MCFD2: variants seen among roughly 807,000 people sequenced by gnomAD.
MCFD2 encodes multiple coagulation factor deficiency protein 2.
A neutral mutation model predicts 12.8 loss-of-function variants in MCFD2; 11 were observed. The ratio of observed to expected loss-of-function variants is 0.86; its 90% CI spans 0.54 to 1.42. The LOEUF (loss-of-function observed/expected upper bound fraction) is 1.42. MCFD2 is among the 40% of genes most tolerant of loss of function. MCFD2 has a pLI of 0.00. For synonymous variants in MCFD2, 70 were observed against 68.1 expected (o/e 1.03, Z -0.14); for missense variants, 191 against 178.6 (o/e 1.07, Z -0.40).
In MCFD2 at chr2:46,908,064, T is replaced by C. The variant is rs1668321733; in HGVS notation, c.150-95A>G. 1.4e-6 allele frequency: 2 copies of C among 1,394,848 alleles called. No individual in the cohort carries two copies. The highest frequency in any genetic ancestry group is 3.7e-5 in the Admixed American group (2 of 54,350). The allele number at this position is 1,394,848 out of a possible 1,614,324, so 86.4% of individuals were successfully genotyped here. A position where few individuals can be genotyped will look rare whatever the true frequency, so the allele number is the denominator to read the frequency against. On this transcript the variant is annotated intron_variant, in intron 2 of 3. Transcript: ENST00000319466. This position sits in a 1 kb window ranked among gnomAD's most constrained non-coding sequence, Gnocchi z 4.5. ...GAAAAGTTCAAGATCTTAAACTTCC[T>C]CCAGCTCAGAAAAACAAACACCAGC...
Position 46,941,715 on chromosome 2 carries a change from T to C in MCFD2, c.-151A>G, listed in dbSNP as rs1670404772. On this transcript the variant is annotated 5_prime_UTR_variant, in exon 1 of 3. Coordinates refer to the MCFD2 transcript ENST00000409147. This position sits in a 1 kb window ranked among gnomAD's most constrained non-coding sequence, Gnocchi z 4.2. ...GCAGCCCGAGCGCAGCGTTCACCTTTCCGGACACCGGTGAGTAAGGGAAGA... is the reference window on the plus strand; with the variant it reads ...GCAGCCCGAGCGCAGCGTTCACCTTCCCGGACACCGGTGAGTAAGGGAAGA... 1 of 1,550,120 alleles carries C rather than the reference T, an allele frequency of 6.5e-7. No homozygotes were observed. Among genetic ancestry groups the C allele is most frequent in the African/African-American group, 1.4e-5 (1 of 73,070 alleles).
chr2:46,929,245 A>C (rs1669566968), intron 1 of MCFD2, among the ~76,000 whole-genome samples: 1 of 151,906 alleles, frequency 6.6e-6, no homozygotes, highest in South Asian at 2.1e-4. Flanking sequence ...GCACTTTGGG[A>C]AGCTAAGGTA....
chr2:46,915,929 A>G, upstream of MCFD2: 1 of 984,916 alleles, frequency 1.0e-6, no homozygotes, highest in Non-Finnish European at 1.2e-6. Context: ...GCGTGAGTCC[A>G]CGTGTAATCG....
At chr2:46,905,824 T>A in intron 3 of MCFD2, 1 of 618,756 alleles carries the variant, frequency 1.6e-6, no homozygotes. Flanking sequence ...ATATGTATTA[T>A]TGAGTCAATT....
chr2:46,910,201 G>A (rs1018512401), intron 1 of MCFD2, among the ~76,000 whole-genome samples: 1 of 152,192 alleles, frequency 6.6e-6, no homozygotes, highest in Non-Finnish European at 1.5e-5. Flanking sequence ...AGCTCTTGGA[G>A]GGCAGGGAGA....
chr2:46,921,969 AG>A (rs1417552498), intron 1 of MCFD2, among the ~76,000 whole-genome samples: 1 of 152,200 alleles, frequency 6.6e-6, no homozygotes, highest in African/African-American at 2.4e-5. Flanking sequence ...TTGGGGGGTG[AG>A]GGCCCCTGTA....
At chr2:46,913,554 A>T (rs897927909) in intron 1 of MCFD2, 46 of 152,276 alleles carry the variant, frequency 3.0e-4, no homozygotes. Context: ...TCCATGCTCT[A>T]ACTACTTAGC....
rs779155851 is a variant in MCFD2 at position 46,909,077 on chromosome 2, C to T, written c.95G>A (p.Ser32Asn). The T allele has an allele frequency of 6.2e-7, 1 of 1,614,126 alleles. No individual in the cohort carries two copies. Among genetic ancestry groups the T allele is most frequent in the South Asian group, 1.1e-5 (1 of 91,092 alleles). Residue 32 changes from serine (S) to asparagine (N), a missense_variant, in exon 2 of 4, where the codon AGC (serine) becomes AAC (asparagine). Coordinates refer to ENST00000319466, the MANE Select transcript of MCFD2 (RefSeq NM_139279.6). Reference sequence around the variant, plus strand: ...GCCCATGCTGCCGGGTTGGGAGAAGCTGGCTGCAGGCTCCTCAGCCCTGGC... The same window carrying T: ...GCCCATGCTGCCGGGTTGGGAGAAGTTGGCTGCAGGCTCCTCAGCCCTGGC... ...PGARAEEPAA[S>N]FSQPGSMGLD...
intron 1 of MCFD2, among the ~76,000 whole-genome samples, chr2:46,938,668 A>C (rs1271147237): frequency 1.3e-5 from 2 of 152,176 alleles, no homozygotes; most frequent in African/African-American, 2.4e-5. Context: ...GTTCTCTTAT[A>C]GTCAATAAAT....
At chr2:46,916,326 C>G (rs572757801), upstream of MCFD2, 11 of 283,440 alleles carry the variant, frequency 3.9e-5, no homozygotes, top group Non-Finnish European at 5.8e-5. Context: ...GCCAGCTCCA[C>G]TGCACAAGCT....
chr2:46,937,680 C>G lies in MCFD2; in HGVS notation c.-8+3892G>C, dbSNP rs564776235. On this transcript the variant is annotated intron_variant, in intron 1 of 2. Coordinates refer to the MCFD2 transcript ENST00000409147. This position sits in a 1 kb window ranked among gnomAD's most constrained non-coding sequence, Gnocchi z 4.0. Reference sequence around the variant, plus strand: ...CTTGAATTCCTGGACTCAAGTGATTCTCCCACCTCCTTCTCCCAAAGTGTT... The same window carrying G: ...CTTGAATTCCTGGACTCAAGTGATTGTCCCACCTCCTTCTCCCAAAGTGTT... Among the ~76,000 whole-genome samples, 2 of 152,290 alleles carry G rather than the reference C, an allele frequency of 1.3e-5. No homozygotes were observed. Among genetic ancestry groups the G allele is most frequent in the East Asian group, 1.9e-4 (1 of 5,190 alleles).
intron 3 of MCFD2, chr2:46,906,127 G>T (rs1485264720): frequency 2.2e-5 from 9 of 402,724 alleles, no homozygotes; most frequent in Non-Finnish European, 4.0e-5. Context: ...GTGGGCTGAG[G>T]CTGTTCACAT....
chr2:46,925,828 C>T (rs1189894865), intron 1 of MCFD2, among the ~76,000 whole-genome samples: 2 of 152,190 alleles, frequency 1.3e-5, no homozygotes, highest in Non-Finnish European at 2.9e-5. Flanking sequence ...TTTGTGGATA[C>T]AACCCATACT....
In MCFD2 at chr2:46,937,789, G is replaced by C. The variant is rs955750098; in HGVS notation, c.-8+3783C>G. Among the ~76,000 whole-genome samples the C allele has an allele frequency of 6.6e-6, 1 of 152,200 alleles. No homozygotes were observed. The highest frequency in any genetic ancestry group is 1.5e-5 in the Non-Finnish European group (1 of 68,046). On this transcript the variant is annotated intron_variant, in intron 1 of 2. Transcript: ENST00000409147. The surrounding 1 kb of genome is among the most constrained non-coding windows in gnomAD (Gnocchi z 4.0). ...TGCATAGGAAGCTGAAGGGGTTTGG[G>C]GAAGCTGTGAACGTTAGTCAAGGTC...
chr2:46,939,318 G>C (rs1009703282), intron 1 of MCFD2, among the ~76,000 whole-genome samples: 91 of 152,268 alleles, frequency 6.0e-4, no homozygotes, highest in African/African-American at 2.1e-3. Context: ...ACTTTGGGAG[G>C]CCAAGGTGGG....
intron 1 of MCFD2, among the ~76,000 whole-genome samples, chr2:46,929,936 T>C (rs1412510196): frequency 1.3e-5 from 2 of 152,204 alleles, no homozygotes; most frequent in Non-Finnish European, 2.9e-5. Context: ...GTCAATGTTT[T>C]AGACAGTGGC....
rs1402071299 is a variant in MCFD2, at chr2:46,904,148, C to T, written c.*1315G>A. ...TCAAGAATTGAGATTTGGAAACCTC[C>T]GCCTAGTTTTCAGAAGATGTATGGA... On this transcript the variant is annotated 3_prime_UTR_variant, in exon 4 of 4. Transcript: ENST00000319466. The T allele has an allele frequency of 1.3e-5, 2 of 152,246 alleles. No individual in the cohort carries two copies. The highest frequency in any genetic ancestry group is 2.4e-5 in the African/African-American group (1 of 41,454). The allele number at this position is 152,246 out of a possible 1,614,324, so 9.4% of individuals were successfully genotyped here.
intron 1 of MCFD2, among the ~76,000 whole-genome samples, chr2:46,930,507 T>TC (rs1478512385): frequency 6.7e-6 from 1 of 150,030 alleles, no homozygotes; most frequent in Non-Finnish European, 1.5e-5. Context: ...ATTTTTTTTT[T>TC]TTTTTTTTTT....
Position 46,908,346 on chromosome 2 carries a change from A to T in MCFD2, c.150-377T>A. On this transcript the variant is annotated intron_variant, in intron 2 of 3. Coordinates refer to ENST00000319466, the MANE Select transcript of MCFD2 (RefSeq NM_139279.6). This position sits in a 1 kb window ranked among gnomAD's most constrained non-coding sequence, Gnocchi z 4.5. ...CGTGATCTTGGCTCATTGTAGCCTC[A>T]ACTTCCCAAGCTCAGTTGATTCTCC... The T allele has an allele frequency of 3.1e-6, 1 of 323,012 alleles. No homozygotes were observed. The allele number at this position is 323,012 out of a possible 1,614,324, so 20.0% of individuals were successfully genotyped here. A position where few individuals can be genotyped will look rare whatever the true frequency, so the allele number is the denominator to read the frequency against.
Sources: allele counts gnomAD v4.1 joint callset (sites outside exome capture counted in the v4.1 genomes callset), GRCh38; gene constraint gnomAD v4.1.1; non-coding constraint Gnocchi (gnomAD v3.1); transcripts MANE v1.5; gene names NCBI Gene and HGNC (gene_info 2026-07-23, HGNC 2026-07-21).